KIAA1328: variants seen among roughly 807,000 people sequenced by gnomAD.
KIAA1328 encodes the protein KIAA1328.
Under a neutral mutation model 68.1 loss-of-function variants are expected in KIAA1328, and 52 were observed. The ratio of observed to expected loss-of-function variants is 0.76; its 90% CI spans 0.61 to 0.96. The LOEUF is 0.96. Among genes scored for constraint, KIAA1328 ranks in the 40% least tolerant of loss-of-function variants. The pLI is 0.00. For missense variants in KIAA1328, 641 were observed against 677.6 expected (o/e 0.95, Z 0.60); for synonymous variants, 232 against 239.4 (o/e 0.97, Z 0.28).
At chr18:37,124,225 A>T (rs1268795420) in intron 7 of KIAA1328, among the ~76,000 whole-genome samples, 1 of 152,220 alleles carries the variant, frequency 6.6e-6, no homozygotes, top group Non-Finnish European at 1.5e-5. Flanking sequence ...ATGTTTGGAA[A>T]ATCCAAACTT....
At chr18:37,032,744 C>T (rs906719786) in intron 6 of KIAA1328, among the ~76,000 whole-genome samples, 9 of 152,094 alleles carry the variant, frequency 5.9e-5, no homozygotes, top group South Asian at 2.1e-4. Flanking sequence ...CAGATTCAAG[C>T]GATTCTCCTG....
At chr18:37,004,527 C>G (rs1040118033) in intron 6 of KIAA1328, among the ~76,000 whole-genome samples, 1 of 151,950 alleles carries the variant, frequency 6.6e-6, no homozygotes, top group Non-Finnish European at 1.5e-5. Context: ...CACTAATGAT[C>G]AGGGGAACAC....
intron 6 of KIAA1328, among the ~76,000 whole-genome samples, chr18:36,961,416 C>T (rs2051666688): frequency 6.6e-6 from 1 of 152,118 alleles, no homozygotes; most frequent in African/African-American, 2.4e-5. Flanking sequence ...AGGAGAACTT[C>T]CCCAACCAAG....
intron 9 of KIAA1328, among the ~76,000 whole-genome samples, chr18:37,199,016 A>G (rs1422900143): frequency 1.3e-5 from 2 of 152,190 alleles, no homozygotes; most frequent in African/African-American, 4.8e-5. Flanking sequence ...GAAAAGAAAG[A>G]TATTTGGATT....
chr18:37,193,670 C>A, intron 9 of KIAA1328: 1 of 702,324 alleles, frequency 1.4e-6, no homozygotes, highest in Non-Finnish European at 2.6e-6. Context: ...CTAGGCTACA[C>A]GGATTATGGA....
At chr18:36,996,186 T>A (rs1598924592) in intron 6 of KIAA1328, among the ~76,000 whole-genome samples, 2 of 152,204 alleles carry the variant, frequency 1.3e-5, no homozygotes, top group African/African-American at 4.8e-5. Flanking sequence ...CCTGTTAGAC[T>A]CATAATTATT....
In KIAA1328 at chr18:36,844,196, T is replaced by G. The variant is rs1318117992; in HGVS notation, c.238-12T>G. 1 of 1,561,332 alleles carries G rather than the reference T, an allele frequency of 6.4e-7. No individual in the cohort carries two copies. The highest frequency in any genetic ancestry group is 1.4e-5 in the African/African-American group (1 of 72,090). On this transcript the variant is annotated splice_polypyrimidine_tract_variant and intron_variant, in intron 3 of 9. Transcript: ENST00000280020. ...TTTTAGAAAAAGTGTAACTAAATTT[T>G]TTTTTTTTAAGAATTCCTGCAGGGG...
At chr18:37,207,137 G>A (rs1336695052) in intron 9 of KIAA1328, among the ~76,000 whole-genome samples, 1 of 152,086 alleles carries the variant, frequency 6.6e-6, no homozygotes, top group Non-Finnish European at 1.5e-5. Context: ...AATAGTTTCA[G>A]GTATCCTTTG....
chr18:37,117,206 T>C (rs1205665581), intron 7 of KIAA1328, among the ~76,000 whole-genome samples: 7 of 152,162 alleles, frequency 4.6e-5, no homozygotes, highest in Non-Finnish European at 8.8e-5. Context: ...ATGTTTACTG[T>C]GGCACTATTC....
At chr18:36,906,421 G>A (rs185244664) in intron 5 of KIAA1328, among the ~76,000 whole-genome samples, 4 of 152,210 alleles carry the variant, frequency 2.6e-5, no homozygotes, top group Admixed American at 2.6e-4. Flanking sequence ...TTTGCAGAAT[G>A]CTATATAAGT....
At chr18:36,982,268 T>C (rs1418070330) in intron 6 of KIAA1328, among the ~76,000 whole-genome samples, 2 of 150,346 alleles carry the variant, frequency 1.3e-5, no homozygotes, top group Non-Finnish European at 3.0e-5. Context: ...TATAAACCCA[T>C]GGATTGAAGT....
intron 5 of KIAA1328, among the ~76,000 whole-genome samples, chr18:36,891,451 C>G (rs973662897): frequency 6.6e-6 from 1 of 152,072 alleles, no homozygotes; most frequent in African/African-American, 2.4e-5. Context: ...TATCCCTCAC[C>G]CACTTTCACT....
intron 8 of KIAA1328, among the ~76,000 whole-genome samples, chr18:37,172,456 C>T (rs894406622): frequency 1.3e-5 from 2 of 152,202 alleles, no homozygotes; most frequent in African/African-American, 4.8e-5. Context: ...TGCTTAGGAA[C>T]TTTCCCATGG....
At chr18:37,085,403 A>G (rs528650557) in intron 7 of KIAA1328, among the ~76,000 whole-genome samples, 11 of 152,212 alleles carry the variant, frequency 7.2e-5, no homozygotes, top group Non-Finnish European at 1.5e-4. Flanking sequence ...TACCCTTTTG[A>G]ATACATTCCT....
At chr18:37,160,797 C>T (rs1424492251) in intron 8 of KIAA1328, among the ~76,000 whole-genome samples, 1 of 152,082 alleles carries the variant, frequency 6.6e-6, no homozygotes, top group East Asian at 1.9e-4. Context: ...TGGACAATTC[C>T]CCATATTGTG....
chr18:37,063,189 A>G (rs1289040246), intron 6 of KIAA1328, among the ~76,000 whole-genome samples: 1 of 152,136 alleles, frequency 6.6e-6, no homozygotes, highest in Non-Finnish European at 1.5e-5. Flanking sequence ...TCTTACATCT[A>G]TGTGATACAT....
At position 37,214,371 on chromosome 18, in the gene KIAA1328, TA is replaced by T. The variant is rs1209997137; in HGVS notation, c.1524-7645del. ...CCAGTTTCAGCTTTCTACATATGGC[TA>T]GCCAGTTTTCCCAGCACCATTTATT... On this transcript the variant is annotated intron_variant, in intron 9 of 9. Transcript: ENST00000280020. 2.0e-5 allele frequency among the ~76,000 whole-genome samples: 3 copies of T among 152,362 alleles called. No individual in the cohort carries two copies. In the East Asian group the frequency reaches 5.8e-4, roughly 29 times the overall value.
downstream of KIAA1328, chr18:37,229,844 C>G (rs2060656790): frequency 6.3e-6 from 1 of 158,982 alleles, no homozygotes; most frequent in Non-Finnish European, 1.4e-5. Context: ...CAAGATCATG[C>G]CGCTGCACTC....
At chr18:37,163,628 C>T (rs2059327737) in intron 8 of KIAA1328, among the ~76,000 whole-genome samples, 1 of 152,106 alleles carries the variant, frequency 6.6e-6, no homozygotes, top group South Asian at 2.1e-4. Context: ...AGTTGTTCCT[C>T]TAAGTGAGCC....
Sources: allele counts gnomAD v4.1 joint callset (sites outside exome capture counted in the v4.1 genomes callset), GRCh38; gene constraint gnomAD v4.1.1; transcripts MANE v1.5; gene names NCBI Gene and HGNC (gene_info 2026-07-23, HGNC 2026-07-21).